The following SCHIP1 variants were observed in gnomAD, a reference collection of about 807,000 sequenced individuals.
SCHIP1 encodes schwannomin-interacting protein 1.
A neutral mutation model predicts 29.7 loss-of-function variants in SCHIP1; 8 were observed. That is an observed-to-expected ratio of 0.27 (90% CI 0.16 to 0.49). The LOEUF is 0.49. Ranked by LOEUF, SCHIP1 falls within the 20% of genes least tolerant of loss-of-function variation. The pLI is 0.99. For synonymous variants in SCHIP1, 76 were observed against 94.9 expected, an observed-to-expected ratio of 0.80 and a Z score of 1.16; for missense variants, 193 against 294.6, an observed-to-expected ratio of 0.66 and a Z score of 2.52.
the SCHIP1 span, among the ~76,000 whole-genome samples, chr3:159,820,215 C>T: frequency 6.6e-6 from 1 of 152,112 alleles, no homozygotes; most frequent in South Asian, 2.1e-4. Flanking sequence ...AAAGAGCAAC[C>T]CTAAAGTTAA....
chr3:159,449,889 GGAAGAAAAAGA>G, the SCHIP1 span, among the ~76,000 whole-genome samples: 5 of 150,136 alleles, frequency 3.3e-5, no homozygotes, highest in South Asian at 2.1e-4. Flanking sequence ...AAGAAAGAAG[GGAAGAAAAAGA>G]GAAGAAAAAG....
At chr3:159,533,179 C>T in the SCHIP1 span, among the ~76,000 whole-genome samples, 9 of 151,850 alleles carry the variant, frequency 5.9e-5, no homozygotes, top group African/African-American at 2.2e-4. Context: ...GGAAGCTGAC[C>T]AAGGCTGGTG....
the SCHIP1 span, among the ~76,000 whole-genome samples, chr3:159,366,208 A>G: frequency 5.3e-5 from 8 of 152,076 alleles, no homozygotes. Context: ...GGCGCCACAC[A>G]CTTTTAAATG....
chr3:159,579,661 A>G, the SCHIP1 span, among the ~76,000 whole-genome samples: 3 of 152,166 alleles, frequency 2.0e-5, no homozygotes, highest in African/African-American at 7.2e-5. Flanking sequence ...GCTCAAAATG[A>G]TCTAGGAAGA....
chr3:159,785,143 G>A, the SCHIP1 span, among the ~76,000 whole-genome samples: 3 of 152,152 alleles, frequency 2.0e-5, no homozygotes, highest in Admixed American at 1.3e-4. Flanking sequence ...TGAACTAGAC[G>A]AGGATTTCAT....
chr3:159,841,781 C>G (rs1744244312), intron 1 of SCHIP1, among the ~76,000 whole-genome samples: 1 of 152,080 alleles, frequency 6.6e-6, no homozygotes, highest in Admixed American at 6.6e-5. Flanking sequence ...ATAACAGTGT[C>G]ATTATGTGTT....
chr3:159,642,474 T>C, the SCHIP1 span, among the ~76,000 whole-genome samples: 1 of 152,110 alleles, frequency 6.6e-6, no homozygotes, highest in Admixed American at 6.6e-5. Context: ...TCCTGTGGCT[T>C]CTCATCTCTG....
chr3:159,721,785 C>G, the SCHIP1 span: 1 of 435,404 alleles, frequency 2.3e-6, no homozygotes. Context: ...GCTGTTCTTC[C>G]CCAGCTGGGC....
chr3:159,636,446 C>G, the SCHIP1 span, among the ~76,000 whole-genome samples: 2 of 152,146 alleles, frequency 1.3e-5, no homozygotes, highest in Non-Finnish European at 2.9e-5. Flanking sequence ...AATTGAAGAA[C>G]AGAGAGGGAG....
At chr3:159,804,254 G>C in the SCHIP1 span, among the ~76,000 whole-genome samples, 1 of 152,124 alleles carries the variant, frequency 6.6e-6, no homozygotes, top group Non-Finnish European at 1.5e-5. Context: ...GAGCAGGTGA[G>C]GGAGATTGGT....
the SCHIP1 span, among the ~76,000 whole-genome samples, chr3:159,293,698 G>C: frequency 6.6e-6 from 1 of 152,072 alleles, no homozygotes; most frequent in Non-Finnish European, 1.5e-5. Flanking sequence ...CCTTTCCTCT[G>C]TTTATTGTCC....
At chr3:159,626,201 TAGATAG>T in the SCHIP1 span, among the ~76,000 whole-genome samples, 8 of 125,350 alleles carry the variant, frequency 6.4e-5, no homozygotes, top group African/African-American at 3.6e-4. Flanking sequence ...GATAGATAGA[TAGATAG>T]ATATATCTAG....
At chr3:159,681,619 T>A in the SCHIP1 span, among the ~76,000 whole-genome samples, 1 of 152,248 alleles carries the variant, frequency 6.6e-6, no homozygotes, top group Non-Finnish European at 1.5e-5. Context: ...TTTTTGTGCC[T>A]GAATAATAGT....
the SCHIP1 span, among the ~76,000 whole-genome samples, chr3:159,317,666 G>A: frequency 7.9e-5 from 12 of 152,190 alleles, no homozygotes; most frequent in African/African-American, 1.2e-4. Flanking sequence ...AGGATGATGG[G>A]GAACATGGTA....
At chr3:159,291,724 C>G in the SCHIP1 span, among the ~76,000 whole-genome samples, 1 of 151,982 alleles carries the variant, frequency 6.6e-6, no homozygotes, top group African/African-American at 2.4e-5. Flanking sequence ...TAATAAAATC[C>G]AAATCTAATC....
chr3:159,763,788 G>C, the SCHIP1 span: 1 of 152,252 alleles, frequency 6.6e-6, no homozygotes, highest in African/African-American at 2.4e-5. Context: ...CGTGGGCCGA[G>C]AGCGCCCCCC....
At chr3:159,317,962 G>T in the SCHIP1 span, among the ~76,000 whole-genome samples, 1 of 152,194 alleles carries the variant, frequency 6.6e-6, no homozygotes, top group East Asian at 1.9e-4. Flanking sequence ...CCCCAGGAAT[G>T]GTGCCATATC....
the SCHIP1 span, among the ~76,000 whole-genome samples, chr3:159,664,460 G>GT: frequency 5.7e-4 from 85 of 148,966 alleles, no homozygotes; most frequent in Admixed American, 1.3e-3. Context: ...AACAGCCATA[G>GT]TTTTTTTTTT....
chr3:159,564,337 T>C, the SCHIP1 span, among the ~76,000 whole-genome samples: 1 of 151,956 alleles, frequency 6.6e-6, no homozygotes, highest in Non-Finnish European at 1.5e-5. Flanking sequence ...TGCTCCATTT[T>C]GGGTACTTTC....
Sources: allele counts gnomAD v4.1 joint callset (sites outside exome capture counted in the v4.1 genomes callset), GRCh38; gene constraint gnomAD v4.1.1; transcripts MANE v1.5; gene names NCBI Gene and HGNC (gene_info 2026-07-23, HGNC 2026-07-21).